The following CADM1 variants were observed in gnomAD, a reference collection of about 807,000 sequenced individuals.
The protein encoded by CADM1 is TSLC-1.
CADM1 carries 15 observed loss-of-function variants against 53.1 expected under a neutral mutation model. That is an observed-to-expected ratio of 0.28 (90% CI 0.19 to 0.44). CADM1 has a LOEUF of 0.44. Among genes scored for constraint, CADM1 ranks in the 20% least tolerant of loss-of-function variants. The pLI, the probability that CADM1 is intolerant of heterozygous loss-of-function variation, is 1.00. For missense variants in CADM1, 434 were observed against 611.3 expected (o/e 0.71, Z 3.06); for synonymous variants, 281 against 243.0 (o/e 1.16, Z -1.45).
In CADM1 at chr11:115,405,808, G is replaced by A. The variant is rs560297637; in HGVS notation, c.124+98463C>T. ...CTACACCCTACAGACAAACATGTTC[G>A]TAGGAAGATGACTGAAATGGACATG... is the stretch of plus-strand genomic sequence containing the variant. On this transcript the variant is annotated intron_variant, in intron 1 of 11. Coordinates refer to ENST00000331581, the MANE Select transcript of CADM1 (RefSeq NM_001301043.2). Among the ~76,000 whole-genome samples, 13 of 152,194 alleles carry A rather than the reference G, an allele frequency of 8.5e-5. No homozygotes were observed. In the East Asian group the frequency reaches 9.7e-4, roughly 11 times the overall value.
intron 1 of CADM1, among the ~76,000 whole-genome samples, chr11:115,334,303 G>A (rs1188713631): frequency 6.6e-6 from 1 of 152,086 alleles, no homozygotes; most frequent in Non-Finnish European, 1.5e-5. Flanking sequence ...CCTTTAGAAA[G>A]AAGAATATTA....
In CADM1 at chr11:115,190,941, C is replaced by A. The variant is rs1432826032; in HGVS notation, c.1112G>T (p.Gly371Val). The change falls in exon 10 of 12, where the codon GGC becomes GTC. Residue 371 changes from glycine to valine, a missense_variant and splice_region_variant. Around this residue, in one of 4 missense-constraint regions of CADM1, gnomAD observed 311 missense variants for 435.1 expected, o/e 0.71. Coordinates refer to ENST00000331581, the MANE Select transcript of CADM1 (RefSeq NM_001301043.2). ...TTATTEPAVH[G>V]LTQLPNSAEE... ...TGCGGAATTGGGCAACTGAGTAAGG[C>A]CTTACAAGTAAAAACAAATCGTTTT... 2 of 1,591,092 alleles carry A rather than the reference C, an allele frequency of 1.3e-6. No homozygotes were observed. The highest frequency in any genetic ancestry group is 2.2e-5 in the East Asian group (1 of 44,730).
At position 115,445,413 on chromosome 11, in the gene CADM1, T is replaced by C. The variant is rs148640067; in HGVS notation, c.124+58858A>G. On this transcript the variant is annotated intron_variant, in intron 1 of 11. Transcript: ENST00000331581. ...AGAAGGCTCTGAATATTAAAGAAATTAGTAAGTATGAATTGCCTGGAATAA... is the reference window on the plus strand; with the variant it reads ...AGAAGGCTCTGAATATTAAAGAAATCAGTAAGTATGAATTGCCTGGAATAA... Among the ~76,000 whole-genome samples the C allele has an allele frequency of 1.1e-4, 17 of 152,078 alleles. No homozygotes were observed. In the East Asian group the frequency reaches 3.1e-3, roughly 28 times the overall value.
chr11:115,438,996 C>G (rs1948245764), intron 1 of CADM1, among the ~76,000 whole-genome samples: 1 of 152,172 alleles, frequency 6.6e-6, no homozygotes, highest in Non-Finnish European at 1.5e-5. Flanking sequence ...GTCAAGCAAT[C>G]TTAAAGGTGA....
chr11:115,392,769 T>C (rs945027707), intron 1 of CADM1, among the ~76,000 whole-genome samples: 17 of 152,114 alleles, frequency 1.1e-4, no homozygotes, highest in Non-Finnish European at 1.9e-4. Context: ...GGAATTTCAA[T>C]TGTGAAACCT....
intron 1 of CADM1, among the ~76,000 whole-genome samples, chr11:115,451,615 A>G (rs1380106364): frequency 6.6e-6 from 1 of 152,210 alleles, no homozygotes; most frequent in East Asian, 1.9e-4. Flanking sequence ...TCCCCTACAG[A>G]CCACTTAACA....
chr11:115,174,801 T>C lies in CADM1; in HGVS notation c.*1673A>G. The C allele has an allele frequency of 1.0e-6, 1 of 963,390 alleles. No homozygotes were observed. The highest frequency in any genetic ancestry group is 1.2e-6 in the Non-Finnish European group (1 of 809,722). 59.7% of individuals were successfully genotyped at this position (963,390 alleles called of 1,614,324 possible). A position where few individuals can be genotyped will look rare whatever the true frequency, so the allele number is the denominator to read the frequency against. On this transcript the variant is annotated 3_prime_UTR_variant, in exon 12 of 12. Coordinates refer to ENST00000331581, the MANE Select transcript of CADM1 (RefSeq NM_001301043.2). Reference sequence around the variant, plus strand: ...GATGCCATCTTTCCATAGGGACTGTTAGCTGGAGTCTGGAGTCTTACCAAA... The same window carrying C: ...GATGCCATCTTTCCATAGGGACTGTCAGCTGGAGTCTGGAGTCTTACCAAA...
rs141386367 is a variant in CADM1, at chr11:115,178,681, C to G, written c.1260G>C (p.Leu420Phe). 1.2e-5 allele frequency: 19 copies of G among 1,613,612 alleles called. No individual in the cohort carries two copies. The African/African-American group carries it at 1.9e-4, about 16-fold the overall frequency. Residue 420 changes from leucine to phenylalanine, a missense_variant, in exon 11 of 12, where the codon TTG becomes TTC. By Grantham distance (22) the Leu-to-Phe change is conservative. This residue lies in a region of CADM1 where 311 missense variants were observed against 435.1 expected (regional missense o/e 0.71). Coordinates refer to ENST00000331581, the MANE Select transcript of CADM1 (RefSeq NM_001301043.2). ...CAAAATAGCGCCCCAGAATGATGAG[C>G]AAGCACAGCATGGCGAACACCACCA... The part of the protein sequence containing the change: ...VAVVVFAMLC[L>F]LIILGRYFAR...
intron 1 of CADM1, among the ~76,000 whole-genome samples, chr11:115,441,827 C>CA (rs1400054972): frequency 6.6e-6 from 1 of 152,036 alleles, no homozygotes; most frequent in East Asian, 1.9e-4. Flanking sequence ...AATGTGTAAT[C>CA]AGGCATCCTA....
chr11:115,337,033 A>G (rs1038360779), intron 1 of CADM1, among the ~76,000 whole-genome samples: 10 of 152,216 alleles, frequency 6.6e-5, no homozygotes, highest in South Asian at 2.1e-4. Flanking sequence ...AGATGAGGAA[A>G]TTGAGGTACA....
At chr11:115,477,923 C>A (rs1488730034) in intron 1 of CADM1, among the ~76,000 whole-genome samples, 3 of 152,158 alleles carry the variant, frequency 2.0e-5, no homozygotes, top group Non-Finnish European at 2.9e-5. Context: ...TATTCTTGTC[C>A]TTGGGAAAAG....
At chr11:115,229,054 G>T in intron 5 of CADM1, 59 bp downstream of exon 5, 2 of 1,541,638 alleles carry the variant, frequency 1.3e-6, no homozygotes, top group South Asian at 1.1e-5. Context: ...AATGGCTTCT[G>T]AAGAGTTTCT....
At chr11:115,495,318 C>A (rs1645584515) in intron 1 of CADM1, among the ~76,000 whole-genome samples, 1 of 152,144 alleles carries the variant, frequency 6.6e-6, no homozygotes, top group African/African-American at 2.4e-5. Context: ...TAAATATATA[C>A]CACATAACCC....
At position 115,216,026 on chromosome 11, in the gene CADM1, T is replaced by C. The variant is rs139659557; in HGVS notation, c.822-1246A>G. On this transcript the variant is annotated intron_variant, in intron 6 of 11. Transcript: ENST00000331581. ...ATTATTTAAAAATTAGTACTGCATATGTCCTCCTTGTAGGCAATGGCAAAT... is the reference window on the plus strand; with the variant it reads ...ATTATTTAAAAATTAGTACTGCATACGTCCTCCTTGTAGGCAATGGCAAAT... Among the ~76,000 whole-genome samples the C allele has an allele frequency of 3.5e-4, 53 of 152,374 alleles. No homozygotes were observed. In the East Asian group the frequency reaches 8.1e-3, roughly 23 times the overall value.
chr11:115,363,656 TAGG>T (rs1187576855), intron 1 of CADM1: 4 of 152,198 alleles, frequency 2.6e-5, no homozygotes, highest in African/African-American at 9.6e-5. Flanking sequence ...TCAGTTCAAC[TAGG>T]AAGTCTGAAG....
At chr11:115,258,964 T>G (rs1424458003) in intron 1 of CADM1, among the ~76,000 whole-genome samples, 1 of 152,024 alleles carries the variant, frequency 6.6e-6, no homozygotes, top group Non-Finnish European at 1.5e-5. Context: ...TTAAAGAACA[T>G]GAAAAAGAGA....
chr11:115,268,405 A>G (rs1943205798), intron 1 of CADM1, among the ~76,000 whole-genome samples: 1 of 152,166 alleles, frequency 6.6e-6, no homozygotes, highest in African/African-American at 2.4e-5. Context: ...CAGGCAAGGA[A>G]AAAACCAATC....
intron 1 of CADM1, among the ~76,000 whole-genome samples, chr11:115,462,355 AT>A (rs1478660183): frequency 6.6e-6 from 1 of 152,194 alleles, no homozygotes; most frequent in African/African-American, 2.4e-5. Flanking sequence ...CGCCTTGCAT[AT>A]CACCTGCACT....
At chr11:115,433,611 C>T (rs1170927448) in intron 1 of CADM1, among the ~76,000 whole-genome samples, 1 of 152,202 alleles carries the variant, frequency 6.6e-6, no homozygotes, top group African/African-American at 2.4e-5. Flanking sequence ...ACAGGATCCT[C>T]AATCACATAC....
Sources: allele counts gnomAD v4.1 joint callset (sites outside exome capture counted in the v4.1 genomes callset), GRCh38; gene constraint gnomAD v4.1.1; regional missense constraint gnomAD v4.1.1; transcripts MANE v1.5; gene names NCBI Gene and HGNC (gene_info 2026-07-23, HGNC 2026-07-21).